The following ADGRV1 variants were observed in gnomAD, a reference collection of about 807,000 sequenced individuals.
The protein encoded by ADGRV1 is G-protein coupled receptor 98.
In ADGRV1, 359 loss-of-function variants were observed where a neutral mutation model predicts 596.2. That is an observed-to-expected ratio of 0.60 (90% CI 0.55 to 0.66). ADGRV1 has a LOEUF of 0.66. Ranked by LOEUF, ADGRV1 falls within the 30% of genes least tolerant of loss-of-function variation. The pLI is 0.00. For synonymous variants in ADGRV1, 2,681 were observed against 2,679.2 expected (o/e 1.00, Z -0.02); for missense variants, 7,274 against 7,575.6 (o/e 0.96, Z 1.48).
At chr5:90,776,086 T>C (rs2438354) in intron 60 of ADGRV1, among the ~76,000 whole-genome samples, 4,482 of 152,252 alleles carry the variant, frequency 0.029, 198 homozygotes, top group African/African-American at 0.1. Flanking sequence ...GCTTTTGCCA[T>C]ATAGCCAGTT....
chr5:91,084,258 G>T (rs1422625760), intron 86 of ADGRV1, among the ~76,000 whole-genome samples: 3 of 152,002 alleles, frequency 2.0e-5, no homozygotes, highest in Non-Finnish European at 4.4e-5. Flanking sequence ...TCACTAGCTT[G>T]GCTTCCTCCT....
intron 83 of ADGRV1, among the ~76,000 whole-genome samples, chr5:90,945,614 C>G (rs915903373): frequency 3.9e-5 from 6 of 152,136 alleles, no homozygotes; most frequent in African/African-American, 1.2e-4. Context: ...ATACCTAATG[C>G]CTTCATCCTA....
intron 70 of ADGRV1, among the ~76,000 whole-genome samples, chr5:90,793,883 C>T (rs1055221467): frequency 2.0e-5 from 3 of 152,158 alleles, no homozygotes; most frequent in Non-Finnish European, 4.4e-5. Context: ...CAGCTTCCTT[C>T]TCTCTGGCAC....
rs1233408995 is a variant in ADGRV1 at position 90,759,854 on chromosome 5, A to G, written c.12120+266A>G. 5 of 377,522 alleles carry G rather than the reference A, an allele frequency of 1.3e-5. No individual in the cohort carries two copies. The East Asian group carries it at 2.6e-4, about 19-fold the overall frequency. 23.4% of individuals were successfully genotyped at this position (377,522 alleles called of 1,614,324 possible). On this transcript the variant is annotated intron_variant, in intron 58 of 89. Transcript: ENST00000405460. ...GTGGCACATGCCTGTATTCCCAGAT[A>G]CTTGGGAGGCTGAGGCAGGAGACTC...
chr5:91,021,653 G>GAGGT (rs891742826), intron 85 of ADGRV1, among the ~76,000 whole-genome samples: 1 of 152,088 alleles, frequency 6.6e-6, no homozygotes, highest in African/African-American at 2.4e-5. Context: ...AGTGCAAATA[G>GAGGT]AGGTATCTGG....
intron 84 of ADGRV1, among the ~76,000 whole-genome samples, chr5:90,980,646 G>A (rs1490389002): frequency 6.6e-6 from 1 of 152,174 alleles, no homozygotes; most frequent in African/African-American, 2.4e-5. Context: ...AAACGTGTAA[G>A]ATAAACAGTG....
chr5:91,062,516 C>T (rs999777455), intron 85 of ADGRV1, among the ~76,000 whole-genome samples: 1 of 152,170 alleles, frequency 6.6e-6, no homozygotes, highest in Non-Finnish European at 1.5e-5. Flanking sequence ...GTTGCACTCA[C>T]ACAGAAACCT....
intron 48 of ADGRV1, among the ~76,000 whole-genome samples, chr5:90,725,944 G>A (rs533487926): frequency 6.6e-6 from 1 of 152,286 alleles, no homozygotes; most frequent in Admixed American, 6.5e-5. Flanking sequence ...CACACAGCCA[G>A]ACAGAGTATC....
intron 1 of ADGRV1, among the ~76,000 whole-genome samples, chr5:90,585,117 A>G (rs1758573336): frequency 6.6e-6 from 1 of 152,206 alleles, no homozygotes; most frequent in South Asian, 2.1e-4. Flanking sequence ...AGCACCAACA[A>G]ATATATCAGA....
chr5:90,836,967 A>C (rs1025711912), intron 77 of ADGRV1, among the ~76,000 whole-genome samples: 1 of 152,224 alleles, frequency 6.6e-6, no homozygotes, highest in Non-Finnish European at 1.5e-5. Flanking sequence ...ATAATTATGG[A>C]TCAAGTTGTT....
chr5:90,908,052 C>T (rs1432957509), intron 83 of ADGRV1, among the ~76,000 whole-genome samples: 1 of 151,908 alleles, frequency 6.6e-6, no homozygotes, highest in African/African-American at 2.4e-5. Flanking sequence ...GCTTTCACCA[C>T]GTCTCTCTGG....
At chr5:91,001,349 A>G (rs1336704702) in intron 85 of ADGRV1, among the ~76,000 whole-genome samples, 1 of 152,186 alleles carries the variant, frequency 6.6e-6, no homozygotes, top group East Asian at 1.9e-4. Context: ...AAGTGCTGAG[A>G]TTATAGGCAT....
chr5:90,809,171 TG>T, intron 73 of ADGRV1, among the ~76,000 whole-genome samples: 1 of 151,812 alleles, frequency 6.6e-6, no homozygotes, highest in Middle Eastern at 3.4e-3. Context: ...TTAGCCAGGA[TG>T]GTCTCGATCT....
At chr5:90,833,672 T>C (rs998235929) in intron 77 of ADGRV1, among the ~76,000 whole-genome samples, 1 of 152,202 alleles carries the variant, frequency 6.6e-6, no homozygotes, top group Non-Finnish European at 1.5e-5. Flanking sequence ...CTATTGTAAA[T>C]GGGATTTTTT....
Position 90,658,078 on chromosome 5 carries a change from CAG to C in ADGRV1, c.4553_4554del (p.Gln1518ArgfsTer4). The C allele has an allele frequency of 6.2e-7, 1 of 1,613,854 alleles. No homozygotes were observed. The highest frequency in any genetic ancestry group is 1.1e-5 in the South Asian group (1 of 91,072). The stretch of plus-strand genomic sequence containing the variant: ...AATTTCTGGATATCTGGAGTTCAGA[CAG>C]GGAGAAACTAACAAATCATTCATTA... ...HPISGYLEFR[Q>X]GETNKSFIIS... On this transcript the variant is annotated frameshift_variant, in exon 21 of 90. Transcript: ENST00000405460. LOFTEE classifies it high-confidence loss of function.
At chr5:90,747,858 G>T (rs1754800781) in intron 52 of ADGRV1, among the ~76,000 whole-genome samples, 1 of 152,178 alleles carries the variant, frequency 6.6e-6, no homozygotes, top group Admixed American at 6.5e-5. Flanking sequence ...ATAGCAGTCA[G>T]GTCTGCTGTG....
chr5:91,153,109 T>C, intron 88 of ADGRV1, 112 bp from the exon 89 acceptor site: 1 of 792,528 alleles, frequency 1.3e-6, no homozygotes, highest in Non-Finnish European at 2.0e-6. Flanking sequence ...CACTGCCGTT[T>C]AGCAAGGTCT....
At position 90,697,145 on chromosome 5, in the gene ADGRV1, A is replaced by T; in HGVS notation, c.8154A>T (p.Glu2718Asp). 6.2e-7 allele frequency: 1 copy of T among 1,609,930 alleles called. No individual in the cohort carries two copies. Among genetic ancestry groups the T allele is most frequent in the Non-Finnish European group, 8.5e-7 (1 of 1,177,316 alleles). The change falls in exon 34 of 90, where the codon GAA (glutamate) becomes GAT (aspartate). Residue 2718 changes from glutamate to aspartate, a missense_variant and splice_region_variant. By Grantham distance (45) the Glu-to-Asp change is conservative. Transcript: ENST00000405460. ...QTASRSVIGH[E>D]GEILQFHVIR... ...CTTCCAGATCTGTCATAGGTCATGA[A>T]GGTGGGTTCCTTTTTTTGTTAAGCA...
At chr5:91,148,829 G>T (rs1430420094) in intron 87 of ADGRV1, among the ~76,000 whole-genome samples, 1 of 152,224 alleles carries the variant, frequency 6.6e-6, no homozygotes, top group Non-Finnish European at 1.5e-5. Flanking sequence ...AGCCACAGGG[G>T]TGGAGCTGTC....
Sources: gnomAD v4.1 joint callset for allele counts (sites outside exome capture counted in the v4.1 genomes callset) on GRCh38, gnomAD v4.1.1 for gene constraint, MANE v1.5 for transcripts, NCBI Gene and HGNC (gene_info 2026-07-23, HGNC 2026-07-21) for gene names.